The following OVCH1 variants were observed in gnomAD, a reference collection of about 807,000 sequenced individuals.
OVCH1 encodes the protein ovochymase 1.
In OVCH1, 139 loss-of-function variants were observed where a neutral mutation model predicts 138.4. That is an observed-to-expected ratio of 1.00 (90% CI 0.87 to 1.16). The LOEUF is 1.16. Among genes scored for constraint, OVCH1 ranks in the 50% most tolerant of loss-of-function variants. OVCH1 has a pLI of 0.00. For missense variants in OVCH1, 1,367 were observed against 1,357.9 expected, an observed-to-expected ratio of 1.01 and a Z score of -0.11; for synonymous variants, 453 against 467.8, an observed-to-expected ratio of 0.97 and a Z score of 0.41.
At chr12:29,438,686 A>G (rs1034653079) in intron 26 of OVCH1, among the ~76,000 whole-genome samples, 2 of 152,168 alleles carry the variant, frequency 1.3e-5, no homozygotes, top group Non-Finnish European at 2.9e-5. Flanking sequence ...TAGTTATTGT[A>G]TGGCTTTTAT....
intron 27 of OVCH1, among the ~76,000 whole-genome samples, chr12:29,430,677 T>C (rs1156742073): frequency 6.6e-6 from 1 of 152,184 alleles, no homozygotes; most frequent in East Asian, 1.9e-4. Context: ...CCAAAAGCAC[T>C]GAGTCTGTTT....
At chr12:29,461,088 C>CA (rs1216151545) in intron 19 of OVCH1, among the ~76,000 whole-genome samples, 1 of 152,050 alleles carries the variant, frequency 6.6e-6, no homozygotes, top group Non-Finnish European at 1.5e-5. Flanking sequence ...GGAAAACTAT[C>CA]AAAGAGCTGC....
chr12:29,480,172 G>A (rs900457725), intron 8 of OVCH1, among the ~76,000 whole-genome samples: 1 of 152,106 alleles, frequency 6.6e-6, no homozygotes, highest in Non-Finnish European at 1.5e-5. Flanking sequence ...GAATATAGAT[G>A]TAAATATAAG....
rs1941920186 is a variant in OVCH1, at chr12:29,455,418, GA to G, written c.2281-14del. 1 of 1,584,550 alleles carries G rather than the reference GA, an allele frequency of 6.3e-7. No homozygotes were observed. The highest frequency in any genetic ancestry group is 8.6e-7 in the Non-Finnish European group (1 of 1,167,938). The stretch of plus-strand genomic sequence containing the variant: ...CACCAGAGTCTCCCTGAAACACCAA[GA>G]AAACATGTTTTAGAAAACTGCTTTA... On this transcript the variant is annotated splice_polypyrimidine_tract_variant and intron_variant, in intron 19 of 27. Transcript: ENST00000318184.
chr12:29,414,387 A>T (rs1308889689), intron 3 of OVCH1, among the ~76,000 whole-genome samples: 2 of 152,160 alleles, frequency 1.3e-5, no homozygotes, highest in Non-Finnish European at 2.9e-5. Flanking sequence ...AACTCATATC[A>T]TTCAGTTAAT....
Position 29,489,600 on chromosome 12 carries a change from G to A in OVCH1, c.702+20C>T, listed in dbSNP as rs758102122. 9 of 1,589,912 alleles carry A rather than the reference G, an allele frequency of 5.7e-6. No homozygotes were observed. Among genetic ancestry groups the A allele is most frequent in the Admixed American group, 1.7e-5 (1 of 57,272 alleles). On this transcript the variant is annotated intron_variant, in intron 6 of 27. Coordinates refer to ENST00000318184, the Ensembl canonical transcript of OVCH1. ...CACCCACATGTTACTGAACAGCTAGGCTGGTTTACACTTTTGTACCTGGCA... is the reference window on the plus strand; with the variant it reads ...CACCCACATGTTACTGAACAGCTAGACTGGTTTACACTTTTGTACCTGGCA...
intron 16 of OVCH1, among the ~76,000 whole-genome samples, chr12:29,469,832 C>T (rs1942442634): frequency 6.6e-6 from 1 of 152,098 alleles, no homozygotes; most frequent in African/African-American, 2.4e-5. Flanking sequence ...ATGATCATGC[C>T]ACTGCATTCC....
Position 29,442,172 on chromosome 12 carries a change from C to T in OVCH1, c.3157+1189G>A, listed in dbSNP as rs1490640605. On this transcript the variant is annotated intron_variant, in intron 25 of 27. Coordinates refer to ENST00000318184, the Ensembl canonical transcript of OVCH1. ...ATGCTGCTACAAAGACACATGCACA[C>T]GTATGTTTATTGCGGCACTATTCAC... Among the ~76,000 whole-genome samples the T allele has an allele frequency of 3.3e-5, 5 of 151,954 alleles. No individual in the cohort carries two copies. In the South Asian group the frequency reaches 8.3e-4, roughly 25 times the overall value.
intron 9 of OVCH1, among the ~76,000 whole-genome samples, chr12:29,477,941 A>G (rs1340912657): frequency 2.0e-5 from 3 of 152,228 alleles, no homozygotes; most frequent in Admixed American, 1.3e-4. Context: ...GGTTGAAAGA[A>G]TAATTACTGT....
chr12:29,477,125 C>T, exon 12 of OVCH1: 1 of 1,611,168 alleles, frequency 6.2e-7, no homozygotes, highest in Non-Finnish European at 8.5e-7. Context: ...TTCTCTGGAG[C>T]ACAAATGAAC....
intron 22 of OVCH1, among the ~76,000 whole-genome samples, chr12:29,447,792 G>C (rs1483616418): frequency 6.6e-6 from 1 of 152,008 alleles, no homozygotes; most frequent in Non-Finnish European, 1.5e-5. Flanking sequence ...ATGACTGTGG[G>C]AAGGAATGGA....
chr12:29,486,097 G>A (rs1943097174), intron 8 of OVCH1, 153 bp downstream of exon 8: 1 of 657,130 alleles, frequency 1.5e-6, no homozygotes. Flanking sequence ...TTAAATGTTG[G>A]AGCCTATGTA....
At chr12:29,444,374 C>T (rs1941562580) in intron 23 of OVCH1, 94 bp from the exon 24 acceptor site, 6 of 1,278,324 alleles carry the variant, frequency 4.7e-6, no homozygotes, top group Non-Finnish European at 5.3e-6. Flanking sequence ...AGCTCTCTTC[C>T]CTAATTGTCC....
rs74853064 is a variant in OVCH1 at position 29,455,113 on chromosome 12, T to C, written c.2437+136A>G. On this transcript the variant is annotated intron_variant, in intron 20 of 27. Coordinates refer to ENST00000318184, the Ensembl canonical transcript of OVCH1. Reference sequence around the variant, plus strand: ...GAACTTATTTTGCAGAATCTTGCATTTTAGTGTGTTTAGTAACTAAATGAA... The same window carrying C: ...GAACTTATTTTGCAGAATCTTGCATCTTAGTGTGTTTAGTAACTAAATGAA... 0.017 allele frequency: 20,030 copies of C among 1,195,076 alleles called. 1,537 individuals carry two copies. The African/African-American group carries it at 0.21, about 12-fold the overall frequency. The allele number at this position is 1,195,076 out of a possible 1,614,324, so 74.0% of individuals were successfully genotyped here. A position where few individuals can be genotyped will look rare whatever the true frequency, so the allele number is the denominator to read the frequency against.
chr12:29,417,291 A>T (rs528607532), intron 3 of OVCH1, among the ~76,000 whole-genome samples: 2 of 151,970 alleles, frequency 1.3e-5, no homozygotes, highest in East Asian at 3.9e-4. Context: ...GTGAAACCCC[A>T]TCTCTACTAA....
exon 5 of OVCH1, chr12:29,491,153 T>C: frequency 1.2e-6 from 2 of 1,613,654 alleles, no homozygotes. Flanking sequence ...TTCAACTTTA[T>C]CATCGCTGTC....
chr12:29,477,537 G>T lies in OVCH1; in HGVS notation c.1111C>A (p.Arg371Ser), dbSNP rs77444163. The change falls in exon 10 of 28, where the codon CGT becomes AGT. Residue 371 changes from arginine (R) to serine (S), a missense_variant and splice_region_variant. By Grantham distance (110) the Arg-to-Ser change is moderately radical (BLOSUM62 -1). Transcript: ENST00000318184. ...ACTAAAAAGTGGTGGAAACTTACACGTTTGTTTTGTTTTCCATCGTCTTCC... is the reference window on the plus strand; with the variant it reads ...ACTAAAAAGTGGTGGAAACTTACACTTTTGTTTTGTTTTCCATCGTCTTCC... 1.9e-6 allele frequency: 3 copies of T among 1,613,756 alleles called. No homozygotes were observed. The South Asian group carries it at 3.3e-5, about 18-fold the overall frequency.
At chr12:29,481,689 A>G (rs952424929) in intron 8 of OVCH1, among the ~76,000 whole-genome samples, 4 of 151,658 alleles carry the variant, frequency 2.6e-5, no homozygotes, top group African/African-American at 9.7e-5. Context: ...ATGACTGTTG[A>G]CTCTCACTCT....
At chr12:29,451,286 T>C (rs1304774484) in intron 22 of OVCH1, 59 bp downstream of exon 22, 16 of 1,381,538 alleles carry the variant, frequency 1.2e-5, no homozygotes, top group African/African-American at 5.7e-5. Flanking sequence ...TTCCTGATCA[T>C]AAGCTGCCTA....
Sources: allele counts gnomAD v4.1 joint callset (sites outside exome capture counted in the v4.1 genomes callset), GRCh38; gene constraint gnomAD v4.1.1; transcripts MANE v1.5; gene names NCBI Gene and HGNC (gene_info 2026-07-23, HGNC 2026-07-21).